The following TAF2 variants were observed in gnomAD, a reference collection of about 807,000 sequenced individuals.
TAF2 encodes TATA-box binding protein associated factor 2.
TAF2 carries 61 observed loss-of-function variants against 138.5 expected under a neutral mutation model. The observed-to-expected ratio is 0.44, with a 90% CI of 0.36 to 0.54. The LOEUF (loss-of-function observed/expected upper bound fraction) is 0.54, where lower values mean the gene tolerates loss of function less well. Ranked by LOEUF, TAF2 falls within the 20% of genes least tolerant of loss-of-function variation. The pLI is 0.00. For synonymous variants in TAF2, 475 were observed against 469.9 expected (o/e 1.01, Z -0.14); for missense variants, 1,090 against 1,427.9 (o/e 0.76, Z 3.81).
Position 119,804,013 on chromosome 8 carries a change from T to C in TAF2, c.425A>G (p.Lys142Arg), listed in dbSNP as rs1824443848. The C allele has an allele frequency of 1.9e-6, 3 of 1,613,972 alleles. No homozygotes were observed. The East Asian group carries it at 6.7e-5, about 36-fold the overall frequency. Residue 142 changes from lysine (K) to arginine (R), a missense_variant, in exon 5 of 26, where the codon AAG becomes AGG. Coordinates refer to ENST00000378164, the MANE Select transcript of TAF2 (RefSeq NM_003184.4). ...SELWKHVDELKVLKIHINFSL... is the reference protein window; with the variant it reads ...SELWKHVDELRVLKIHINFSL... Reference sequence around the variant, plus strand: ...AAAATTGATGTGTATCTTCAGGACCTTTAACTCTGCAACAAATAAACATAT... The same window carrying C: ...AAAATTGATGTGTATCTTCAGGACCCTTAACTCTGCAACAAATAAACATAT...
At chr8:119,760,410 T>A in intron 20 of TAF2, 189 bp downstream of exon 20, 1 of 636,886 alleles carries the variant, frequency 1.6e-6, no homozygotes, top group Non-Finnish European at 2.6e-6. Flanking sequence ...ATAATTTTAT[T>A]CCTTTCCCTC....
chr8:119,789,889 C>T (rs1405670258), intron 11 of TAF2, 143 bp from the exon 12 acceptor site: 2 of 820,200 alleles, frequency 2.4e-6, no homozygotes, highest in African/African-American at 1.7e-5. Context: ...ATTCTAAAGA[C>T]TACTAGCAAT....
intron 3 of TAF2, among the ~76,000 whole-genome samples, chr8:119,809,462 C>A (rs1246122909): frequency 2.6e-5 from 4 of 152,206 alleles, no homozygotes; most frequent in African/African-American, 9.6e-5. Flanking sequence ...TGTGTATTCA[C>A]TGGAGCAGTA....
intron 6 of TAF2, 86 bp downstream of exon 6, chr8:119,801,708 A>G (rs1336555382): frequency 8.2e-6 from 11 of 1,339,596 alleles, no homozygotes; most frequent in Non-Finnish European, 1.1e-5. Flanking sequence ...GATTACAGGC[A>G]TGAGCCACCG....
chr8:119,737,003 A>C (rs1325731097), intron 25 of TAF2, among the ~76,000 whole-genome samples: 1 of 152,192 alleles, frequency 6.6e-6, no homozygotes, highest in African/African-American at 2.4e-5. Context: ...CACTAGAATG[A>C]AAAGTACAGA....
At chr8:119,793,320 A>G in intron 10 of TAF2, 46 bp downstream of exon 10, 2 of 1,467,052 alleles carry the variant, frequency 1.4e-6, no homozygotes, top group Non-Finnish European at 1.9e-6. Context: ...AATAATTGTT[A>G]TATATAGTCA....
At chr8:119,801,017 G>A (rs1476054240) in intron 6 of TAF2, among the ~76,000 whole-genome samples, 2 of 152,180 alleles carry the variant, frequency 1.3e-5, no homozygotes, top group Non-Finnish European at 2.9e-5. Context: ...TATGTGCTGG[G>A]AAGAAACTAG....
intron 18 of TAF2, among the ~76,000 whole-genome samples, chr8:119,766,176 A>C (rs989185154): frequency 1.3e-5 from 2 of 152,168 alleles, no homozygotes; most frequent in Non-Finnish European, 2.9e-5. Flanking sequence ...ATTGTAATAA[A>C]CTATTTCTAT....
intron 23 of TAF2, among the ~76,000 whole-genome samples, chr8:119,746,223 A>C (rs1270264345): frequency 6.6e-6 from 1 of 151,906 alleles, no homozygotes; most frequent in African/African-American, 2.4e-5. Flanking sequence ...AATACAAAAA[A>C]TTAGCCAGGC....
At position 119,818,767 on chromosome 8, in the gene TAF2, C is replaced by G. The variant is rs565856943; in HGVS notation, c.299+579G>C. ...ACACACACACACACACACACACACA[C>G]AGAAAATGGAAACAAAGTATGAAAT... On this transcript the variant is annotated intron_variant, in intron 3 of 25. Transcript: ENST00000378164. Among the ~76,000 whole-genome samples, 11 of 135,088 alleles carry G rather than the reference C, an allele frequency of 8.1e-5. No homozygotes were observed. The East Asian group carries it at 1.1e-3, about 13-fold the overall frequency. 88.6% of individuals were successfully genotyped at this position (135,088 alleles called of 152,430 possible). A position where few individuals can be genotyped will look rare whatever the true frequency, so the allele number is the denominator to read the frequency against.
Position 119,832,632 on chromosome 8 carries a change from A to C in TAF2, c.-68T>G. The C allele has an allele frequency of 2.7e-6, 4 of 1,472,902 alleles. No homozygotes were observed. Among genetic ancestry groups the C allele is most frequent in the Non-Finnish European group, 2.8e-6 (3 of 1,066,876 alleles). 91.2% of individuals were successfully genotyped at this position (1,472,902 alleles called of 1,614,324 possible). A position where few individuals can be genotyped will look rare whatever the true frequency, so the allele number is the denominator to read the frequency against. ...ATACGGGGCATTACTAGTCTTTGGC[A>C]CCTCACACTCTCCACTCCCCTGCGG... On this transcript the variant is annotated 5_prime_UTR_variant, in exon 1 of 26. Coordinates refer to ENST00000378164, the MANE Select transcript of TAF2 (RefSeq NM_003184.4).
At chr8:119,756,615 T>A (rs1820717920) in intron 21 of TAF2, among the ~76,000 whole-genome samples, 1 of 152,186 alleles carries the variant, frequency 6.6e-6, no homozygotes, top group African/African-American at 2.4e-5. Context: ...ACTGTATTTG[T>A]AAAACATGGA....
At chr8:119,747,022 T>C (rs1586306202) in intron 22 of TAF2, 88 bp from the exon 23 acceptor site, 2 of 1,366,874 alleles carry the variant, frequency 1.5e-6, no homozygotes, top group East Asian at 2.4e-5. Flanking sequence ...CAAAAGGAAC[T>C]TTATAACTGG....
intron 18 of TAF2, among the ~76,000 whole-genome samples, chr8:119,771,636 A>C (rs2131095942): frequency 6.6e-6 from 1 of 152,334 alleles, no homozygotes; most frequent in South Asian, 2.1e-4. Flanking sequence ...ACGAAGTTTA[A>C]AACAAAACCA....
At position 119,796,898 on chromosome 8, in the gene TAF2, C is replaced by T; in HGVS notation, c.1091+92G>A. 9.2e-6 allele frequency: 8 copies of T among 866,424 alleles called. No homozygotes were observed. The South Asian group carries it at 1.1e-4, about 12-fold the overall frequency. The allele number at this position is 866,424 out of a possible 1,614,324, so 53.7% of individuals were successfully genotyped here. On this transcript the variant is annotated intron_variant, in intron 8 of 25. Transcript: ENST00000378164. ...CAGTGTCTCTTAAATTAGCTATCTG[C>T]AATTAGGGCAAAGGTCAGCTTAAAT...
At chr8:119,820,665 G>A (rs769711957) in intron 2 of TAF2, among the ~76,000 whole-genome samples, 4 of 152,160 alleles carry the variant, frequency 2.6e-5, no homozygotes, top group Non-Finnish European at 5.9e-5. Flanking sequence ...GGGTACAAGG[G>A]TTTTAAATGA....
chr8:119,778,668 G>T (rs943983267), intron 17 of TAF2, among the ~76,000 whole-genome samples: 80 of 152,134 alleles, frequency 5.3e-4, no homozygotes, highest in African/African-American at 1.8e-3. Context: ...AGAACAAATT[G>T]ATTGTCCCAA....
chr8:119,738,018 CTTAAG>C (rs1819345897), intron 25 of TAF2, among the ~76,000 whole-genome samples: 1 of 151,788 alleles, frequency 6.6e-6, no homozygotes, highest in African/African-American at 2.4e-5. Context: ...ACCTTTAGCT[CTTAAG>C]TTTTCACTTA....
chr8:119,797,091 TAA>T lies in TAF2; in HGVS notation c.988_989del (p.Leu330ThrfsTer8). On this transcript the variant is annotated frameshift_variant, in exon 8 of 26. Transcript: ENST00000378164. LOFTEE classifies it high-confidence loss of function. The stretch of plus-strand genomic sequence containing the variant: ...TCTCATCTATAATCATGGCACTGTG[TAA>T]AAGATTTGTGCTGGAATTTAAAAGA... ...ASMSIFSTNLLHSAMIIDETP... is the reference protein window; with the variant it reads ...ASMSIFSTNLXHSAMIIDETP... 6.2e-7 allele frequency: 1 copy of T among 1,611,710 alleles called. No homozygotes were observed.
Sources: allele counts gnomAD v4.1 joint callset (sites outside exome capture counted in the v4.1 genomes callset), GRCh38; gene constraint gnomAD v4.1.1; transcripts MANE v1.5; gene names NCBI Gene and HGNC (gene_info 2026-07-23, HGNC 2026-07-21).